MRPS28: variants seen among roughly 807,000 people sequenced by gnomAD.
MRPS28 encodes mitochondrial ribosomal protein S28, also known as small ribosomal subunit protein bS1m.
Under a neutral mutation model 10.8 loss-of-function variants are expected in MRPS28, and 7 were observed. The ratio of observed to expected loss-of-function variants is 0.65; its 90% CI spans 0.37 to 1.22. The LOEUF (loss-of-function observed/expected upper bound fraction) is 1.22. MRPS28 is among the 50% of genes most tolerant of loss of function. MRPS28 has a pLI of 0.02. For missense variants in MRPS28, 265 were observed against 232.9 expected, an observed-to-expected ratio of 1.14 and a Z score of -0.90; for synonymous variants, 121 against 93.3, an observed-to-expected ratio of 1.30 and a Z score of -1.71.
At chr8:79,962,984 T>A (rs1052072372) in intron 2 of MRPS28, among the ~76,000 whole-genome samples, 1 of 152,036 alleles carries the variant, frequency 6.6e-6, no homozygotes, top group Admixed American at 6.6e-5. Flanking sequence ...ACAGACCTCT[T>A]GGAAACACTG....
At position 79,937,781 on chromosome 8, in the gene MRPS28, T is replaced by C. The variant is rs76682210; in HGVS notation, c.396-18633A>G. Among the ~76,000 whole-genome samples the C allele has an allele frequency of 9.9e-3, 1,511 of 152,366 alleles. 21 individuals are homozygous for C. The highest frequency in any genetic ancestry group is 0.057 in the East Asian group (295 of 5,194). ...TTTTAAAGAATGAAAAGGTATTCTC[T>C]GATACTTTACTTTGTATATGTTTGT... On this transcript the variant is annotated intron_variant, in intron 2 of 2. Transcript: ENST00000276585.
intron 2 of MRPS28, among the ~76,000 whole-genome samples, chr8:79,967,915 GATAC>G (rs1260785054): frequency 6.6e-6 from 1 of 151,944 alleles, no homozygotes; most frequent in East Asian, 1.9e-4. Flanking sequence ...TCATATAACT[GATAC>G]ATACTATTTA....
chr8:79,963,851 T>A (rs1807435478), intron 2 of MRPS28, among the ~76,000 whole-genome samples: 1 of 152,088 alleles, frequency 6.6e-6, no homozygotes, highest in South Asian at 2.1e-4. Flanking sequence ...CCAGCAGTTG[T>A]ATCCATATGC....
At chr8:80,027,543 C>A (rs1024630252) in intron 1 of MRPS28, among the ~76,000 whole-genome samples, 5 of 152,116 alleles carry the variant, frequency 3.3e-5, no homozygotes, top group African/African-American at 4.8e-5. Flanking sequence ...TCAAGGAGAG[C>A]AATAAGTAAA....
intron 2 of MRPS28, among the ~76,000 whole-genome samples, chr8:79,925,887 T>G (rs1326285152): frequency 6.6e-6 from 1 of 151,060 alleles, no homozygotes; most frequent in Non-Finnish European, 1.5e-5. Context: ...CTTGGAAGGC[T>G]AAGGTGGGAG....
chr8:79,921,204 A>G (rs1388848680), intron 2 of MRPS28, among the ~76,000 whole-genome samples: 10 of 152,082 alleles, frequency 6.6e-5, no homozygotes, highest in Non-Finnish European at 1.3e-4. Flanking sequence ...CTTGTAGTAC[A>G]GTTTGAAGTC....
chr8:79,943,289 T>C (rs1370618057), intron 2 of MRPS28, among the ~76,000 whole-genome samples: 1 of 152,230 alleles, frequency 6.6e-6, no homozygotes, highest in Admixed American at 6.5e-5. Context: ...GTATGCTATG[T>C]GACAATAGCT....
At chr8:80,008,891 G>C (rs1181184208) in intron 1 of MRPS28, among the ~76,000 whole-genome samples, 2 of 152,176 alleles carry the variant, frequency 1.3e-5, no homozygotes, top group African/African-American at 4.8e-5. Context: ...TCTAGAACTA[G>C]AAATACCATT....
chr8:79,980,069 C>CTAG (rs1807914517), intron 2 of MRPS28, among the ~76,000 whole-genome samples: 1 of 151,986 alleles, frequency 6.6e-6, no homozygotes, highest in East Asian at 1.9e-4. Context: ...AAGGGTGATG[C>CTAG]TAGTAAGACG....
At chr8:79,937,694 T>C (rs975179742) in intron 2 of MRPS28, among the ~76,000 whole-genome samples, 1 of 152,218 alleles carries the variant, frequency 6.6e-6, no homozygotes, top group Non-Finnish European at 1.5e-5. Context: ...TTACCTTTCA[T>C]AGTTTGATAC....
At chr8:79,920,087 A>G (rs1810044025) in intron 2 of MRPS28, among the ~76,000 whole-genome samples, 1 of 152,044 alleles carries the variant, frequency 6.6e-6, no homozygotes, top group South Asian at 2.1e-4. Context: ...GATGGTTTCC[A>G]GCTTCATCCA....
At chr8:79,957,770 C>A (rs974692100) in intron 2 of MRPS28, 1 of 151,984 alleles carries the variant, frequency 6.6e-6, no homozygotes, top group African/African-American at 2.4e-5. Context: ...TGAGACAGTA[C>A]CCAGTATACA....
intron 2 of MRPS28, among the ~76,000 whole-genome samples, chr8:79,966,459 A>C (rs377589616): frequency 2.6e-5 from 4 of 152,220 alleles, no homozygotes; most frequent in East Asian, 1.9e-4. Context: ...CTGGTCAAAA[A>C]AGTAAGTTTT....
In MRPS28 at chr8:80,029,882, C is replaced by G. The variant is rs189443603; in HGVS notation, c.213+154G>C. ...AAACACCAAGCACAGATTCTAGGGG[C>G]CGAGGGCTGAGCCACAACGCACCGC... On this transcript the variant is annotated intron_variant, in intron 1 of 2. Transcript: ENST00000276585. 11 of 1,536,190 alleles carry G rather than the reference C, an allele frequency of 7.2e-6. No homozygotes were observed. In the South Asian group the frequency reaches 1.2e-4, roughly 17 times the overall value.
chr8:79,986,172 A>G (rs1808163339), intron 2 of MRPS28, among the ~76,000 whole-genome samples: 1 of 152,234 alleles, frequency 6.6e-6, no homozygotes, highest in African/African-American at 2.4e-5. Flanking sequence ...CCAAAGACAA[A>G]AACCACTTGA....
chr8:80,012,447 G>A (rs1381438654), intron 1 of MRPS28, among the ~76,000 whole-genome samples: 2 of 152,266 alleles, frequency 1.3e-5, no homozygotes, highest in East Asian at 3.9e-4. Context: ...TTCACTACAG[G>A]GAGTCCTGTT....
chr8:79,975,112 A>G (rs1413370711), intron 2 of MRPS28, among the ~76,000 whole-genome samples: 1 of 151,640 alleles, frequency 6.6e-6, no homozygotes, highest in African/African-American at 2.4e-5. Flanking sequence ...TAGTGAGACA[A>G]CCCCCACCCC....
At chr8:79,987,255 C>T (rs1236144340) in intron 2 of MRPS28, among the ~76,000 whole-genome samples, 1 of 151,886 alleles carries the variant, frequency 6.6e-6, no homozygotes, top group Non-Finnish European at 1.5e-5. Flanking sequence ...CCCTTCCTTA[C>T]ACCTTATACA....
intron 2 of MRPS28, among the ~76,000 whole-genome samples, chr8:79,982,781 C>T (rs537262868): frequency 1.2e-3 from 179 of 152,338 alleles, no homozygotes; most frequent in African/African-American, 4.2e-3. Context: ...CTGGGTGGAG[C>T]CCAACACAGC....
Sources: allele counts gnomAD v4.1 joint callset (sites outside exome capture counted in the v4.1 genomes callset), GRCh38; gene constraint gnomAD v4.1.1; transcripts MANE v1.5; gene names NCBI Gene and HGNC (gene_info 2026-07-23, HGNC 2026-07-21).